ZNF836: variants seen among roughly 807,000 people sequenced by gnomAD.
The protein encoded by ZNF836 is zinc finger protein 836.
In ZNF836, 12 loss-of-function variants were observed where a neutral mutation model predicts 7.4. That is an observed-to-expected ratio of 1.61 (90% confidence interval 1.03 to 2.61). ZNF836 has a LOEUF of 2.61. Ranked by LOEUF, ZNF836 falls within the 30% of genes most tolerant of loss-of-function variation. ZNF836 has a pLI of 0.00. For synonymous variants in ZNF836, 365 were observed against 382.6 expected (o/e 0.95, Z 0.54); for missense variants, 998 against 1,126.2 (o/e 0.89, Z 1.63).
In ZNF836 at chr19:52,154,549, C is replaced by T. The variant is rs2089133243; in HGVS notation, c.*323G>A. 2 of 181,682 alleles carry T rather than the reference C, an allele frequency of 1.1e-5. No homozygotes were observed. Among genetic ancestry groups the T allele is most frequent in the South Asian group, 2.6e-4 (2 of 7,570 alleles). The allele number at this position is 181,682 out of a possible 1,614,324, so 11.3% of individuals were successfully genotyped here. A position where few individuals can be genotyped will look rare whatever the true frequency, so the allele number is the denominator to read the frequency against. Reference sequence around the variant, plus strand: ...TGGTGTGCACCTGTAGTCCCAGCTACTCAGGGAGACTGAGGCAGGAGAATC... The same window carrying T: ...TGGTGTGCACCTGTAGTCCCAGCTATTCAGGGAGACTGAGGCAGGAGAATC... On this transcript the variant is annotated 3_prime_UTR_variant, in exon 5 of 5. Transcript: ENST00000682614.
chr19:52,166,573 T>C (rs945348551), intron 3 of ZNF836, among the ~76,000 whole-genome samples: 4 of 113,698 alleles, frequency 3.5e-5, no homozygotes, highest in African/African-American at 1.1e-4. Context: ...TTGTACCAAC[T>C]TCTTTTTTTT....
Position 52,154,773 on chromosome 19 carries a change from A to G in ZNF836, c.*99T>C. On this transcript the variant is annotated 3_prime_UTR_variant, in exon 5 of 5. Transcript: ENST00000682614. ...AGAAATCCACCCCTGTGATCCAATC[A>G]TCTCCCACCAGGCCCCACCTCCAAT... 1.8e-6 allele frequency: 2 copies of G among 1,115,592 alleles called. No individual in the cohort carries two copies. The highest frequency in any genetic ancestry group is 1.6e-5 in the African/African-American group (1 of 63,426). The allele number at this position is 1,115,592 out of a possible 1,614,324, so 69.1% of individuals were successfully genotyped here.
Position 52,155,497 on chromosome 19 carries a change from C to T in ZNF836, c.2186G>A (p.Arg729Lys), listed in dbSNP as rs1479130811. Residue 729 changes from arginine (R) to lysine (K), a missense_variant, in exon 5 of 5, where the codon AGA (arginine) becomes AAA (lysine). Physicochemically the swap from Arg to Lys is conservative, Grantham distance 26. Transcript: ENST00000682614. ...CAGGCCTGTTATATGACTAAAAGTT[C>T]TACCACAATGGCTACATTTGTGTGG... ...EKPHKCSHCG[R>K]TFSHITGLTY... 3 of 1,613,808 alleles carry T rather than the reference C, an allele frequency of 1.9e-6. No homozygotes were observed. Among genetic ancestry groups the T allele is most frequent in the African/African-American group, 1.3e-5 (1 of 74,886 alleles).
intron 4 of ZNF836, 149 bp downstream of exon 4, chr19:52,160,316 C>T: frequency 2.3e-6 from 2 of 887,176 alleles, no homozygotes; most frequent in Non-Finnish European, 3.5e-6. Flanking sequence ...AAATGAAAGG[C>T]CAGATGCAGC....
intron 4 of ZNF836, 70 bp downstream of exon 4, chr19:52,160,395 G>C (rs774552792): frequency 6.2e-7 from 1 of 1,602,308 alleles, no homozygotes; most frequent in Admixed American, 1.7e-5. Flanking sequence ...GGGCTCCCAA[G>C]AAAGACAACA....
rs913554922 is a variant in ZNF836 at position 52,154,467 on chromosome 19, T to G, written c.*405A>C. Among the ~76,000 whole-genome samples the G allele has an allele frequency of 6.6e-6, 1 of 152,128 alleles. No homozygotes were observed. The highest frequency in any genetic ancestry group is 6.5e-5 in the Admixed American group (1 of 15,276). On this transcript the variant is annotated 3_prime_UTR_variant, in exon 5 of 5. Coordinates refer to ENST00000682614, the MANE Select transcript of ZNF836 (RefSeq NM_001102657.3). Reference sequence around the variant, plus strand: ...CTAGGTCAAGAAATTGAGACCATCCTGGCCAACATGGTGAAACTCCATGTC... The same window carrying G: ...CTAGGTCAAGAAATTGAGACCATCCGGGCCAACATGGTGAAACTCCATGTC...
At position 52,155,315 on chromosome 19, in the gene ZNF836, GA is replaced by G. The variant is rs768254112; in HGVS notation, c.2367del (p.Gln790AsnfsTer4). ...KCNECGKVFRHQSTLARHRSI... is the reference protein window; with the variant it reads ...KCNECGKVFRXQSTLARHRSI... ...CTCCGATGACGTGCTAGTGTTGATTGATGACGAAAGACCTTGCCACATTCAT... is the reference window on the plus strand; with the variant it reads ...CTCCGATGACGTGCTAGTGTTGATTGTGACGAAAGACCTTGCCACATTCAT... On this transcript the variant is annotated frameshift_variant, in exon 5 of 5. Transcript: ENST00000682614. LOFTEE classifies it low-confidence loss of function (END_TRUNC). 6.2e-7 allele frequency: 1 copy of G among 1,613,516 alleles called. No individual in the cohort carries two copies. Among genetic ancestry groups the G allele is most frequent in the South Asian group, 1.1e-5 (1 of 91,040 alleles).
chr19:52,155,794 C>A lies in ZNF836; in HGVS notation c.1889G>T (p.Arg630Ile), dbSNP rs774948714. ...AAACGGCTTCTCTCCAGTATGAATT[C>A]TCTTATGATTTGAAAGGTTTCCACT... ...NDSGNLSNHK[R>I]IHTGEKPFQC... Residue 630 changes from arginine (R) to isoleucine (I), a missense_variant, in exon 5 of 5, where the codon AGA (arginine) becomes ATA (isoleucine). Coordinates refer to ENST00000682614, the MANE Select transcript of ZNF836 (RefSeq NM_001102657.3). 1.1e-5 allele frequency: 18 copies of A among 1,613,874 alleles called. No individual in the cohort carries two copies. The East Asian group carries it at 2.9e-4, about 26-fold the overall frequency.
At position 52,155,937 on chromosome 19, in the gene ZNF836, G is replaced by T. The variant is rs1870336049; in HGVS notation, c.1746C>A (p.Phe582Leu). ...HKRIHTGEKPFQCNECGTVFR... is the reference protein window; with the variant it reads ...HKRIHTGEKPLQCNECGTVFR... ...AGACTGTGCCACATTCATTACATTG[G>T]AAAGGTTTCTCTCCCGTATGTATTC... The change falls in exon 5 of 5, where the codon TTC (phenylalanine) becomes TTA (leucine). Residue 582 changes from phenylalanine to leucine, a missense_variant. Phe to Leu is a conservative substitution (Grantham distance 22). Transcript: ENST00000682614. 6.2e-7 allele frequency: 1 copy of T among 1,613,536 alleles called. No homozygotes were observed. The highest frequency in any genetic ancestry group is 8.5e-7 in the Non-Finnish European group (1 of 1,179,762).
Position 52,155,135 on chromosome 19 carries a change from C to A in ZNF836, c.2548G>T (p.Val850Leu), listed in dbSNP as rs772947684. 1.2e-6 allele frequency: 2 copies of A among 1,613,976 alleles called. No homozygotes were observed. The highest frequency in any genetic ancestry group is 2.2e-5 in the East Asian group (1 of 44,874). The part of the protein sequence containing the change: ...GKAFIERSKL[V>L]YHQRNHTGEK... ...CCAGTGTGATTTCTTTGATGGTACA[C>A]CAGCTTTGACCTTTCAATAAAAGCT... is the stretch of plus-strand genomic sequence containing the variant. Residue 850 changes from valine to leucine, a missense_variant, in exon 5 of 5, where the codon GTG (valine) becomes TTG (leucine). By Grantham distance (32) the Val-to-Leu change is conservative. Transcript: ENST00000682614.
intron 2 of ZNF836, among the ~76,000 whole-genome samples, chr19:52,169,434 C>T (rs892477973): frequency 3.9e-5 from 6 of 152,060 alleles, no homozygotes; most frequent in African/African-American, 1.4e-4. Context: ...ACAAAATCAG[C>T]CAGGCGTGGT....
intron 3 of ZNF836, among the ~76,000 whole-genome samples, chr19:52,165,842 G>C (rs558367338): frequency 8.5e-5 from 13 of 152,140 alleles, no homozygotes; most frequent in Non-Finnish European, 1.5e-4. Flanking sequence ...ATAACTCTTT[G>C]CATTTCCATT....
Position 52,155,436 on chromosome 19 carries a change from T to A in ZNF836, c.2247A>T (p.Pro749=). The stretch of plus-strand genomic sequence containing the variant: ...CCTGGCCACATTCAATACATTTGTA[T>A]GGCATCTCTCCAGTATGCCTTCTCT... ...YHQRRHTGEM[P]YKCIECGQVF... The change falls in exon 5 of 5, where the codon CCA becomes CCT. Residue 749 remains proline, a synonymous_variant. Transcript: ENST00000682614. The A allele has an allele frequency of 6.2e-7, 1 of 1,614,198 alleles. No homozygotes were observed. Among genetic ancestry groups the A allele is most frequent in the East Asian group, 2.2e-5 (1 of 44,884 alleles).
chr19:52,170,691 A>C (rs1343842697), intron 1 of ZNF836, among the ~76,000 whole-genome samples: 1 of 151,592 alleles, frequency 6.6e-6, no homozygotes, highest in Non-Finnish European at 1.5e-5. Context: ...CTCTTTGCAA[A>C]TCCCTAAATT....
At chr19:52,169,053 T>C (rs1215809192) in intron 2 of ZNF836, among the ~76,000 whole-genome samples, 3 of 152,212 alleles carry the variant, frequency 2.0e-5, no homozygotes, top group Admixed American at 6.5e-5. Context: ...GTGTCTATAC[T>C]GTATTGGACA....
rs781494591 is a variant in ZNF836, at chr19:52,160,496, C to T, written c.111G>A (p.Met37Ile). ...AGACCAGGTTCCTGTAGTTCTCCAA[C>T]ATCACATCCCAGTACAAAGCTTTCT... ...PVQKALYWDV[M>I]LENYRNLVFL... Residue 37 changes from methionine to isoleucine, a missense_variant, in exon 4 of 5, where the codon ATG becomes ATA. Physicochemically the swap from Met to Ile is conservative, Grantham distance 10 (BLOSUM62 1). Coordinates refer to ENST00000682614, the MANE Select transcript of ZNF836 (RefSeq NM_001102657.3). 6.2e-7 allele frequency: 1 copy of T among 1,614,170 alleles called. No homozygotes were observed. Among genetic ancestry groups the T allele is most frequent in the South Asian group, 1.1e-5 (1 of 91,084 alleles).
chr19:52,169,195 A>T (rs1305081209), intron 2 of ZNF836, among the ~76,000 whole-genome samples: 1 of 152,248 alleles, frequency 6.6e-6, no homozygotes, highest in Non-Finnish European at 1.5e-5. Context: ...CTTATTTCAG[A>T]AGTCAGTAAT....
chr19:52,160,646 T>C, intron 3 of ZNF836, 55 bp from the exon 4 acceptor site: 1 of 1,539,100 alleles, frequency 6.5e-7, no homozygotes, highest in Non-Finnish European at 8.7e-7. Context: ...TATCTATACA[T>C]AAAATGAGAA....
rs770176243 is a variant in ZNF836, at chr19:52,156,487, G to C, written c.1196C>G (p.Ser399Cys). 1.2e-6 allele frequency: 2 copies of C among 1,613,686 alleles called. No homozygotes were observed. The highest frequency in any genetic ancestry group is 2.7e-5 in the African/African-American group (2 of 74,754). The change falls in exon 5 of 5, where the codon TCC becomes TGC. Residue 399 changes from serine to cysteine, a missense_variant. By Grantham distance (112) the Ser-to-Cys change is moderately radical (BLOSUM62 -1). Transcript: ENST00000682614. ...NICGKSFSQSSNLATHQTVHS... is the reference protein window; with the variant it reads ...NICGKSFSQSCNLATHQTVHS... ...AACTGTCTGATGAGTTGCCAGGTTG[G>C]AACTTTGACTAAAGGACTTTCCACA...
Sources: gnomAD v4.1 joint callset for allele counts (sites outside exome capture counted in the v4.1 genomes callset) on GRCh38, gnomAD v4.1.1 for gene constraint, MANE v1.5 for transcripts, NCBI Gene and HGNC (gene_info 2026-07-23, HGNC 2026-07-21) for gene names.